PRKG2: variants seen among roughly 807,000 people sequenced by gnomAD.
The protein encoded by PRKG2 is protein kinase cGMP-dependent 2, also known as cGMP-dependent protein kinase 2.
Under a neutral mutation model 97.2 loss-of-function variants are expected in PRKG2, and 33 were observed. The ratio of observed to expected loss-of-function variants is 0.34; its 90% confidence interval spans 0.26 to 0.45. The LOEUF is 0.45. Among genes scored for constraint, PRKG2 ranks in the 20% least tolerant of loss-of-function variants. The probability of loss-of-function intolerance (pLI) is 1.00; values close to 1 mark genes in which losing one functional copy is unlikely to be tolerated. For synonymous variants in PRKG2, 330 were observed against 321.8 expected (o/e 1.03, Z -0.27); for missense variants, 638 against 900.0 (o/e 0.71, Z 3.73).
chr4:81,150,640 T>C (rs1463901370), intron 8 of PRKG2, among the ~76,000 whole-genome samples: 1 of 152,118 alleles, frequency 6.6e-6, no homozygotes, highest in East Asian at 1.9e-4. Flanking sequence ...TAGCATAAAT[T>C]ATTTCAGGCC....
chr4:81,122,470 A>G (rs534193370), intron 14 of PRKG2, among the ~76,000 whole-genome samples: 143 of 152,292 alleles, frequency 9.4e-4, no homozygotes, highest in South Asian at 1.9e-3. Flanking sequence ...GACAATCTCA[A>G]TCATGACTAA....
At chr4:81,175,936 A>G (rs1750884655) in intron 2 of PRKG2, 1 of 152,154 alleles carries the variant, frequency 6.6e-6, no homozygotes, top group South Asian at 2.1e-4. Flanking sequence ...ACTCAGCATG[A>G]TTTTTTAAGT....
At chr4:81,178,771 G>A (rs1751148589) in intron 2 of PRKG2, among the ~76,000 whole-genome samples, 1 of 151,732 alleles carries the variant, frequency 6.6e-6, no homozygotes, top group Non-Finnish European at 1.5e-5. Flanking sequence ...TATAATCTGG[G>A]ACCCTGAAGA....
intron 15 of PRKG2, among the ~76,000 whole-genome samples, chr4:81,106,505 G>T (rs908351722): frequency 4.6e-5 from 7 of 152,324 alleles, no homozygotes; most frequent in African/African-American, 1.7e-4. Context: ...ATTCTGAGCA[G>T]GATGATCTAA....
intron 6 of PRKG2, among the ~76,000 whole-genome samples, chr4:81,162,810 G>A (rs1193078746): frequency 1.3e-5 from 2 of 152,134 alleles, no homozygotes; most frequent in Admixed American, 1.3e-4. Flanking sequence ...TGCTATAGCT[G>A]CGGGGATTGT....
chr4:81,091,818 A>G (rs1741565315), intron 18 of PRKG2, among the ~76,000 whole-genome samples: 1 of 152,176 alleles, frequency 6.6e-6, no homozygotes, highest in Non-Finnish European at 1.5e-5. Context: ...CTAGAGCTGC[A>G]CTATCCAATA....
At chr4:81,111,633 G>A (rs772209160) in intron 14 of PRKG2, among the ~76,000 whole-genome samples, 17 of 152,108 alleles carry the variant, frequency 1.1e-4, no homozygotes, top group African/African-American at 2.4e-4. Flanking sequence ...CAGTGCTACC[G>A]TCCTCCGTTT....
intron 14 of PRKG2, 22 bp from the exon 15 acceptor site, chr4:81,110,633 A>G: frequency 1.2e-6 from 2 of 1,612,840 alleles, no homozygotes; most frequent in Non-Finnish European, 1.7e-6. Flanking sequence ...TAGCAAAGAA[A>G]TTGTGCAGAA....
At position 81,208,201 on chromosome 4, in the gene PRKG2, A is replaced by G. The variant is rs184161003; in HGVS notation, c.-13-3141T>C. On this transcript the variant is annotated intron_variant, in intron 1 of 18. Transcript: ENST00000264399. ...TACTTTCTCATCTACAAAAGGGAAT[A>G]TATTTATATCCATCTCGTAGGGTTA... Among the ~76,000 whole-genome samples, 34 of 152,316 alleles carry G rather than the reference A, an allele frequency of 2.2e-4. No homozygotes were observed. In the East Asian group the frequency reaches 5.6e-3, roughly 25 times the overall value.
intron 18 of PRKG2, among the ~76,000 whole-genome samples, chr4:81,090,254 A>G (rs1741408949): frequency 2.6e-5 from 4 of 152,106 alleles, no homozygotes. Flanking sequence ...TCTACTTTGG[A>G]GGCTGAGGCA....
intron 14 of PRKG2, among the ~76,000 whole-genome samples, chr4:81,122,938 G>A (rs1745206650): frequency 6.6e-6 from 1 of 152,184 alleles, no homozygotes; most frequent in Non-Finnish European, 1.5e-5. Context: ...AGCTAAAACA[G>A]CTCTGGCTGG....
intron 2 of PRKG2, among the ~76,000 whole-genome samples, chr4:81,188,665 C>T (rs1384767975): frequency 4.0e-5 from 5 of 125,710 alleles, no homozygotes; most frequent in Non-Finnish European, 7.5e-5. Flanking sequence ...AAATGTGGCA[C>T]ATATACACCA....
chr4:81,213,338 G>A (rs1445393988), intron 1 of PRKG2, among the ~76,000 whole-genome samples: 2 of 152,172 alleles, frequency 1.3e-5, no homozygotes, highest in African/African-American at 4.8e-5. Context: ...ATTTGTGGGA[G>A]AAGAGGAGGA....
chr4:81,189,509 G>A (rs1009307789), intron 2 of PRKG2, among the ~76,000 whole-genome samples: 6 of 146,570 alleles, frequency 4.1e-5, no homozygotes, highest in Non-Finnish European at 8.8e-5. Context: ...ACTATCGCAA[G>A]AACAAAAAAC....
At chr4:81,213,761 T>C (rs775211328) in intron 1 of PRKG2, among the ~76,000 whole-genome samples, 8 of 152,198 alleles carry the variant, frequency 5.3e-5, no homozygotes, top group Non-Finnish European at 1.2e-4. Flanking sequence ...ATCACAGGAC[T>C]TGGGCAACAG....
chr4:81,184,703 G>C (rs557341970), intron 2 of PRKG2, among the ~76,000 whole-genome samples: 1 of 152,280 alleles, frequency 6.6e-6, no homozygotes, highest in East Asian at 1.9e-4. Context: ...TGAGATAAGG[G>C]AGCATGTTCT....
chr4:81,178,857 T>A (rs767107371), intron 2 of PRKG2, among the ~76,000 whole-genome samples: 39 of 152,104 alleles, frequency 2.6e-4, no homozygotes, highest in Non-Finnish European at 5.1e-4. Context: ...CAGAGTGCAG[T>A]GCCTCACGCC....
rs181751560 is a variant in PRKG2, at chr4:81,153,799, G to A, written c.913-78C>T. The A allele has an allele frequency of 3.9e-5, 39 of 1,007,174 alleles. No individual in the cohort carries two copies. In the Admixed American group the frequency reaches 7.4e-4, roughly 19 times the overall value. 62.4% of individuals were successfully genotyped at this position (1,007,174 alleles called of 1,614,324 possible). On this transcript the variant is annotated intron_variant, in intron 6 of 18. Transcript: ENST00000264399. ...CTAATAGGAACAGCTCCAGTATACA[G>A]CTCCCAGCGTGAGCGGCGCAGAAGA...
intron 2 of PRKG2, among the ~76,000 whole-genome samples, chr4:81,193,936 C>T (rs1373823111): frequency 3.3e-5 from 5 of 152,164 alleles, no homozygotes; most frequent in African/African-American, 1.2e-4. Context: ...TGCTCCTTTC[C>T]TGTCTAGGTT....
Sources: allele counts gnomAD v4.1 joint callset (sites outside exome capture counted in the v4.1 genomes callset), GRCh38; gene constraint gnomAD v4.1.1; transcripts MANE v1.5; gene names NCBI Gene and HGNC (gene_info 2026-07-23, HGNC 2026-07-21).